The following NSUN6 variants were observed in gnomAD, a reference collection of about 807,000 sequenced individuals.
The protein encoded by NSUN6 is tRNA (cytosine(72)-C(5))-methyltransferase NSUN6.
A neutral mutation model predicts 58.0 loss-of-function variants in NSUN6; 64 were observed. That is an observed-to-expected ratio of 1.10 (90% CI 0.90 to 1.36). The LOEUF is 1.36. Among genes scored for constraint, NSUN6 ranks in the 40% most tolerant of loss-of-function variants. The probability of loss-of-function intolerance (pLI) is 0.00; values close to 1 mark genes in which losing one functional copy is unlikely to be tolerated. For synonymous variants in NSUN6, 231 were observed against 193.9 expected (o/e 1.19, Z -1.59); for missense variants, 701 against 550.1 (o/e 1.27, Z -2.74).
chr10:18,566,821 T>C (rs2055993002), intron 8 of NSUN6, among the ~76,000 whole-genome samples: 1 of 145,746 alleles, frequency 6.9e-6, no homozygotes, highest in South Asian at 2.2e-4. Flanking sequence ...ATACCATTTT[T>C]CATTCCATTC....
At chr10:18,547,196 C>T (rs1399731663) in intron 10 of NSUN6, among the ~76,000 whole-genome samples, 1 of 152,110 alleles carries the variant, frequency 6.6e-6, no homozygotes, top group Non-Finnish European at 1.5e-5. Context: ...GATCTATAAT[C>T]CTAAGTCACC....
chr10:18,628,102 CCCCTGAG>C (rs1166505243), intron 3 of NSUN6, among the ~76,000 whole-genome samples: 1 of 152,186 alleles, frequency 6.6e-6, no homozygotes, highest in African/African-American at 2.4e-5. Context: ...TGACCCCTGA[CCCCTGAG>C]CAGCCTAACT....
At chr10:18,626,451 A>G (rs896133238) in intron 3 of NSUN6, among the ~76,000 whole-genome samples, 3 of 152,122 alleles carry the variant, frequency 2.0e-5, no homozygotes, top group Admixed American at 2.0e-4. Context: ...TAATCTCCTC[A>G]TTTCTCATAA....
At chr10:18,635,767 G>A (rs1416171709) in intron 3 of NSUN6, among the ~76,000 whole-genome samples, 2 of 151,692 alleles carry the variant, frequency 1.3e-5, no homozygotes, top group African/African-American at 4.8e-5. Flanking sequence ...GAACCCGGGA[G>A]GCAGGGGTTG....
intron 8 of NSUN6, among the ~76,000 whole-genome samples, chr10:18,574,523 T>C (rs2056554658): frequency 6.6e-6 from 1 of 152,140 alleles, no homozygotes; most frequent in Admixed American, 6.6e-5. Flanking sequence ...ATGGCACTTA[T>C]TCATAGATGC....
intron 3 of NSUN6, among the ~76,000 whole-genome samples, chr10:18,637,209 C>G (rs546642993): frequency 2.5e-4 from 38 of 152,182 alleles, no homozygotes; most frequent in African/African-American, 8.7e-4. Context: ...GTGATCCACC[C>G]CCCTGGGCCT....
intron 2 of NSUN6, among the ~76,000 whole-genome samples, chr10:18,646,308 G>A (rs1029240926): frequency 2.6e-5 from 4 of 152,038 alleles, no homozygotes; most frequent in African/African-American, 4.8e-5. Flanking sequence ...ACTTTTCAAC[G>A]TGAAAGGAAA....
chr10:18,610,836 T>C (rs1445257357), intron 5 of NSUN6, among the ~76,000 whole-genome samples: 1 of 152,030 alleles, frequency 6.6e-6, no homozygotes, highest in East Asian at 1.9e-4. Context: ...AGGAGAAACA[T>C]GGAGAAATTC....
intron 6 of NSUN6, among the ~76,000 whole-genome samples, chr10:18,606,521 T>C (rs1479719837): frequency 6.6e-6 from 1 of 152,162 alleles, no homozygotes; most frequent in African/African-American, 2.4e-5. Context: ...TAGGGTAATG[T>C]GATATTCACA....
upstream of NSUN6, chr10:18,652,101 C>T: frequency 2.0e-6 from 2 of 985,278 alleles, no homozygotes; most frequent in South Asian, 4.7e-5. Flanking sequence ...CTGTTAATAT[C>T]CAATGCTCAG....
At chr10:18,577,992 T>C (rs976127348) in intron 8 of NSUN6, among the ~76,000 whole-genome samples, 2 of 152,224 alleles carry the variant, frequency 1.3e-5, no homozygotes, top group Non-Finnish European at 2.9e-5. Context: ...GAGCTTACCA[T>C]TGCTCCATCT....
intron 6 of NSUN6, among the ~76,000 whole-genome samples, chr10:18,605,043 G>T (rs188341620): frequency 4.6e-5 from 7 of 151,330 alleles, no homozygotes; most frequent in African/African-American, 1.7e-4. Context: ...CCGCCACCAC[G>T]CCCAGCTAAT....
At chr10:18,559,166 G>A (rs2133499639) in intron 8 of NSUN6, among the ~76,000 whole-genome samples, 1 of 151,612 alleles carries the variant, frequency 6.6e-6, no homozygotes, top group African/African-American at 2.4e-5. Context: ...GAATGGAATG[G>A]AATGGAGAAT....
Position 18,609,903 on chromosome 10 carries a change from T to C in NSUN6, c.599A>G (p.Glu200Gly). The C allele has an allele frequency of 6.2e-7, 1 of 1,602,778 alleles. No individual in the cohort carries two copies. Among genetic ancestry groups the C allele is most frequent in the Non-Finnish European group, 8.5e-7 (1 of 1,169,824 alleles). Residue 200 changes from glutamate to glycine, a missense_variant, in exon 6 of 11, where the codon GAA becomes GGA. Glu to Gly is a moderately conservative substitution (Grantham distance 98). Coordinates refer to ENST00000377304, the MANE Select transcript of NSUN6 (RefSeq NM_182543.5). ...AAATGAAGGGCTGAGATATACTGGTTCTGTCATTCTTATGCCCATGCCTCT... is the reference window on the plus strand; with the variant it reads ...AAATGAAGGGCTGAGATATACTGGTCCTGTCATTCTTATGCCCATGCCTCT... The part of the protein sequence containing the change: ...ELKGMGIRMT[E>G]PVYLSPSFDS...
At chr10:18,622,787 C>T (rs889452249) in intron 3 of NSUN6, among the ~76,000 whole-genome samples, 3 of 152,176 alleles carry the variant, frequency 2.0e-5, no homozygotes, top group Non-Finnish European at 4.4e-5. Flanking sequence ...GAGATTTATG[C>T]TGTTGAATTA....
upstream of NSUN6, chr10:18,654,862 ACT>A (rs1270355018): frequency 3.7e-5 from 6 of 161,866 alleles, no homozygotes; most frequent in Middle Eastern, 2.9e-3. Context: ...CCTGGGCAAG[ACT>A]CTGTCTCAAA....
At chr10:18,630,691 C>T (rs1419028401) in intron 3 of NSUN6, among the ~76,000 whole-genome samples, 3 of 152,116 alleles carry the variant, frequency 2.0e-5, no homozygotes, top group Admixed American at 6.5e-5. Flanking sequence ...TACATTATCC[C>T]AAGACTAAAC....
At chr10:18,628,894 A>G (rs1050341193) in intron 3 of NSUN6, among the ~76,000 whole-genome samples, 1 of 152,168 alleles carries the variant, frequency 6.6e-6, no homozygotes, top group East Asian at 1.9e-4. Context: ...GATTCAGGAA[A>G]TACAGAGAAC....
chr10:18,655,207 C>T, upstream of NSUN6: 1 of 942,610 alleles, frequency 1.1e-6, no homozygotes, highest in Non-Finnish European at 1.3e-6. Flanking sequence ...TAGATTCTTA[C>T]AAAGAAAATG....
Sources: gnomAD v4.1 joint callset for allele counts (sites outside exome capture counted in the v4.1 genomes callset) on GRCh38, gnomAD v4.1.1 for gene constraint, MANE v1.5 for transcripts, NCBI Gene and HGNC (gene_info 2026-07-23, HGNC 2026-07-21) for gene names.